The following CHMP4B variants were observed in gnomAD, a reference collection of about 807,000 sequenced individuals.
CHMP4B encodes SNF7 homolog associated with Alix 1.
CHMP4B carries 1 observed loss-of-function variant against 25.1 expected under a neutral mutation model. That is an observed-to-expected ratio of 0.04 (90% CI 0.01 to 0.19). The LOEUF (loss-of-function observed/expected upper bound fraction) is 0.19, where lower values mean the gene tolerates loss of function less well. CHMP4B is among the 10% of genes least tolerant of loss of function. The probability of loss-of-function intolerance (pLI) is 1.00; values close to 1 mark genes in which losing one functional copy is unlikely to be tolerated. For missense variants in CHMP4B, 151 were observed against 289.7 expected (o/e 0.52, Z 3.48); for synonymous variants, 101 against 115.6 (o/e 0.87, Z 0.81).
At chr20:33,819,704 G>A (rs1201768472) in intron 1 of CHMP4B, among the ~76,000 whole-genome samples, 1 of 152,190 alleles carries the variant, frequency 6.6e-6, no homozygotes, top group Non-Finnish European at 1.5e-5. Flanking sequence ...GGGGTGAGAA[G>A]GCCTGAGTTC....
At chr20:33,821,010 A>G (rs1978924091) in intron 1 of CHMP4B, among the ~76,000 whole-genome samples, 1 of 152,226 alleles carries the variant, frequency 6.6e-6, no homozygotes, top group African/African-American at 2.4e-5. Flanking sequence ...AGTTAAAATT[A>G]TAATTGTCTT....
intron 1 of CHMP4B, among the ~76,000 whole-genome samples, chr20:33,813,106 A>G (rs1978683345): frequency 6.6e-6 from 1 of 151,800 alleles, no homozygotes; most frequent in Admixed American, 6.6e-5. Flanking sequence ...TTGAAAAGGT[A>G]AAGTTTGAAC....
chr20:33,840,296 C>G (rs1979501692), intron 1 of CHMP4B, among the ~76,000 whole-genome samples: 2 of 151,338 alleles, frequency 1.3e-5, no homozygotes, highest in African/African-American at 4.9e-5. Flanking sequence ...TGCAGAGATC[C>G]CCAGAGACAA....
At chr20:33,841,818 A>G (rs549994228) in intron 1 of CHMP4B, among the ~76,000 whole-genome samples, 3 of 152,290 alleles carry the variant, frequency 2.0e-5, no homozygotes, top group South Asian at 4.1e-4. Flanking sequence ...AATGGAGTTT[A>G]TCAAGGGCAG....
intron 2 of CHMP4B, 42 bp downstream of exon 2, chr20:33,848,686 C>T: frequency 7.5e-6 from 12 of 1,608,510 alleles, no homozygotes; most frequent in Non-Finnish European, 1.0e-5. Context: ...CAGTGCTAGT[C>T]CCGGAATGCC....
At chr20:33,811,867 C>T (rs1215663637) in intron 1 of CHMP4B, among the ~76,000 whole-genome samples, 6 of 152,016 alleles carry the variant, frequency 3.9e-5, no homozygotes, top group African/African-American at 1.4e-4. Flanking sequence ...TTATTCTGCC[C>T]TCTCCCCTCA....
chr20:33,825,917 A>T (rs1012053871), intron 1 of CHMP4B, among the ~76,000 whole-genome samples: 2 of 152,194 alleles, frequency 1.3e-5, no homozygotes, highest in African/African-American at 4.8e-5. Flanking sequence ...CCTGCTTGGC[A>T]TCCTAGGGTG....
At chr20:33,826,253 T>G (rs951778105) in intron 1 of CHMP4B, among the ~76,000 whole-genome samples, 21 of 152,162 alleles carry the variant, frequency 1.4e-4, no homozygotes, top group African/African-American at 5.1e-4. Context: ...TGGGACTTGA[T>G]GAATGGGATT....
intron 1 of CHMP4B, among the ~76,000 whole-genome samples, chr20:33,840,733 G>A (rs375946574): frequency 2.6e-5 from 4 of 152,038 alleles, no homozygotes; most frequent in East Asian, 1.9e-4. Context: ...GTTAGGTGTC[G>A]GTGTTTTCTT....
At chr20:33,850,835 G>A (rs1416710731) in intron 2 of CHMP4B, 117 bp from the exon 3 acceptor site, 2 of 746,066 alleles carry the variant, frequency 2.7e-6, no homozygotes, top group Non-Finnish European at 4.9e-6. Flanking sequence ...AGTCATTGCA[G>A]GGGGTGTGGC....
intron 1 of CHMP4B, among the ~76,000 whole-genome samples, chr20:33,823,065 GGCATGA>G (rs1328263317): frequency 6.6e-6 from 1 of 151,990 alleles, no homozygotes; most frequent in Non-Finnish European, 1.5e-5. Context: ...TGAGATTATA[GGCATGA>G]GCCACCGCGC....
chr20:33,825,408 G>A (rs1356778460), intron 1 of CHMP4B, among the ~76,000 whole-genome samples: 2 of 152,172 alleles, frequency 1.3e-5, no homozygotes, highest in African/African-American at 4.8e-5. Flanking sequence ...CATTCACAGA[G>A]CGCTGGAGTG....
chr20:33,848,618 G>A lies in CHMP4B; in HGVS notation c.342G>A (p.Lys114=). The part of the protein sequence containing the change: ...EVLKNMGYAA[K]AMKAAHDNMD... ...TCAAGAACATGGGCTATGCCGCCAA[G>A]GCCATGAAGGCGGCCCATGACAACA... The change falls in exon 2 of 5, where the codon AAG becomes AAA. Residue 114 remains lysine (K), a synonymous_variant. Transcript: ENST00000217402. 6.2e-7 allele frequency: 1 copy of A among 1,614,244 alleles called. No individual in the cohort carries two copies. Among genetic ancestry groups the A allele is most frequent in the Non-Finnish European group, 8.5e-7 (1 of 1,180,040 alleles).
intron 1 of CHMP4B, among the ~76,000 whole-genome samples, chr20:33,823,756 G>T (rs1272869923): frequency 1.3e-5 from 2 of 152,140 alleles, no homozygotes; most frequent in African/African-American, 4.8e-5. Context: ...TATTGGTTAG[G>T]CTGGTCTCGA....
At chr20:33,828,760 CTT>C (rs74592343) in intron 1 of CHMP4B, among the ~76,000 whole-genome samples, 1 of 143,072 alleles carries the variant, frequency 7.0e-6, no homozygotes, top group East Asian at 2.0e-4. Flanking sequence ...TGCTTCTTGT[CTT>C]TTTTTTTTTT....
At chr20:33,834,095 G>A (rs1169221076) in intron 1 of CHMP4B, among the ~76,000 whole-genome samples, 1 of 152,078 alleles carries the variant, frequency 6.6e-6, no homozygotes, top group East Asian at 1.9e-4. Flanking sequence ...CCTGGAGTCT[G>A]TAGTGATATC....
At chr20:33,837,929 A>G (rs2122802629) in intron 1 of CHMP4B, among the ~76,000 whole-genome samples, 1 of 152,340 alleles carries the variant, frequency 6.6e-6, no homozygotes, top group South Asian at 2.1e-4. Context: ...CTATTGTTAG[A>G]GCTCAAGGAA....
intron 1 of CHMP4B, among the ~76,000 whole-genome samples, chr20:33,839,170 G>A (rs1173709441): frequency 6.6e-6 from 1 of 152,154 alleles, no homozygotes; most frequent in Non-Finnish European, 1.5e-5. Flanking sequence ...TTTGGTCCCT[G>A]GGTCCTCCAG....
At chr20:33,849,158 C>T (rs1037614725) in intron 2 of CHMP4B, among the ~76,000 whole-genome samples, 2 of 152,198 alleles carry the variant, frequency 1.3e-5, no homozygotes, top group African/African-American at 4.8e-5. Flanking sequence ...CTGTCATTGA[C>T]AGTGATCTTG....
Sources: gnomAD v4.1 joint callset for allele counts (sites outside exome capture counted in the v4.1 genomes callset) on GRCh38, gnomAD v4.1.1 for gene constraint, MANE v1.5 for transcripts, NCBI Gene and HGNC (gene_info 2026-07-23, HGNC 2026-07-21) for gene names.